Variants in ZFYVE9 observed in about 807,000 individuals in gnomAD.
ZFYVE9 encodes zinc finger FYVE-type containing 9.
ZFYVE9 carries 43 observed loss-of-function variants against 126.7 expected under a neutral mutation model. The observed-to-expected ratio is 0.34, with a 90% CI of 0.27 to 0.44. ZFYVE9 has a LOEUF of 0.44. Among genes scored for constraint, ZFYVE9 ranks in the 20% least tolerant of loss-of-function variants. ZFYVE9 has a pLI of 1.00. For missense variants in ZFYVE9, 1,476 were observed against 1,697.0 expected (o/e 0.87, Z 2.29); for synonymous variants, 521 against 597.4 (o/e 0.87, Z 1.87).
chr1:52,269,222 C>G (rs767243645), intron 7 of ZFYVE9, among the ~76,000 whole-genome samples: 3 of 152,086 alleles, frequency 2.0e-5, no homozygotes, highest in Non-Finnish European at 4.4e-5. Flanking sequence ...CTCTACCTCC[C>G]AGGTTCAAGC....
chr1:52,167,853 T>C (rs1644527723), intron 1 of ZFYVE9, among the ~76,000 whole-genome samples: 1 of 152,222 alleles, frequency 6.6e-6, no homozygotes, highest in Non-Finnish European at 1.5e-5. Flanking sequence ...AGAATCACAG[T>C]TGATCTTTGG....
At chr1:52,245,950 CAG>C (rs1176228577) in intron 4 of ZFYVE9, among the ~76,000 whole-genome samples, 1 of 152,100 alleles carries the variant, frequency 6.6e-6, no homozygotes, top group Non-Finnish European at 1.5e-5. Context: ...TTTTTGGAGA[CAG>C]GGTCTCACTC....
chr1:52,239,413 C>T lies in ZFYVE9; in HGVS notation c.1996C>T (p.Pro666Ser). Residue 666 changes from proline (P) to serine (S), a missense_variant, in exon 4 of 19, where the codon CCA becomes TCA. Pro to Ser is a moderately conservative substitution (Grantham distance 74, BLOSUM62 -1). Around this residue, in one of 2 missense-constraint regions of ZFYVE9, gnomAD observed 807 missense variants for 794.6 expected, o/e 1.02. Transcript: ENST00000287727. Reference protein sequence around the residue: ...ISTRPCLALAPDSPDNDLRAG... With the variant: ...ISTRPCLALASDSPDNDLRAG... ...CACTAGACCATGCCTTGCATTAGCT[C>T]CAGATAGCCCAGATAATGATCTCAG... 1 of 1,614,090 alleles carries T rather than the reference C, an allele frequency of 6.2e-7. No individual in the cohort carries two copies. Among genetic ancestry groups the T allele is most frequent in the Non-Finnish European group, 8.5e-7 (1 of 1,179,998 alleles).
chr1:52,164,010 G>C (rs186141539), intron 1 of ZFYVE9, among the ~76,000 whole-genome samples: 3 of 152,032 alleles, frequency 2.0e-5, no homozygotes, highest in South Asian at 4.2e-4. Flanking sequence ...GGAGCGTAGT[G>C]GCTCAATCAC....
chr1:52,230,306 G>T (rs1415995568), intron 2 of ZFYVE9, among the ~76,000 whole-genome samples: 2 of 152,076 alleles, frequency 1.3e-5, no homozygotes, highest in South Asian at 4.1e-4. Flanking sequence ...AGAGGCAAAC[G>T]GAGTGAACTT....
intron 13 of ZFYVE9, among the ~76,000 whole-genome samples, chr1:52,304,754 C>T (rs777978768): frequency 9.9e-5 from 15 of 151,660 alleles, no homozygotes; most frequent in Non-Finnish European, 2.2e-4. Context: ...ATGAGAATGA[C>T]CTCTGTGAAG....
chr1:52,243,465 A>T (rs1301743023), intron 4 of ZFYVE9, among the ~76,000 whole-genome samples: 1 of 152,222 alleles, frequency 6.6e-6, no homozygotes, highest in Non-Finnish European at 1.5e-5. Context: ...GAAGTAGAAC[A>T]GCATGGACAA....
intron 4 of ZFYVE9, among the ~76,000 whole-genome samples, chr1:52,240,552 C>T (rs1645322855): frequency 6.6e-6 from 1 of 152,116 alleles, no homozygotes; most frequent in Admixed American, 6.6e-5. Context: ...TTTGACCCCC[C>T]AGTGACTTAG....
chr1:52,330,033 A>G (rs993311650), intron 13 of ZFYVE9, among the ~76,000 whole-genome samples: 2 of 151,912 alleles, frequency 1.3e-5, no homozygotes, highest in Non-Finnish European at 2.9e-5. Flanking sequence ...ATAACATAAC[A>G]TAACATAACA....
intron 1 of ZFYVE9, among the ~76,000 whole-genome samples, chr1:52,174,435 A>G (rs1053346830): frequency 9.9e-5 from 15 of 152,222 alleles, no homozygotes; most frequent in African/African-American, 3.4e-4. Context: ...TATGTGGTCA[A>G]TTTTGGAATA....
rs147499881 is a variant in ZFYVE9, at chr1:52,171,462, G to T, written c.-143+29059G>T. On this transcript the variant is annotated intron_variant, in intron 1 of 18. Transcript: ENST00000287727. ...GTGAATAGTGCCGCAATAAACATACGTGTGCATGTGTCTTTACAGCAGCAT... is the reference window on the plus strand; with the variant it reads ...GTGAATAGTGCCGCAATAAACATACTTGTGCATGTGTCTTTACAGCAGCAT... 3.5e-3 allele frequency among the ~76,000 whole-genome samples: 533 copies of T among 152,222 alleles called. 2 individuals carry two copies. Among genetic ancestry groups the T allele is most frequent in the African/African-American group, 0.012 (510 of 41,542 alleles).
At chr1:52,176,409 G>A (rs1036431593) in intron 1 of ZFYVE9, among the ~76,000 whole-genome samples, 1 of 152,208 alleles carries the variant, frequency 6.6e-6, no homozygotes, top group Non-Finnish European at 1.5e-5. Context: ...TGCCCCTACT[G>A]GGGGGTGTCT....
At chr1:52,199,556 A>G (rs773062302) in intron 1 of ZFYVE9, among the ~76,000 whole-genome samples, 14 of 152,200 alleles carry the variant, frequency 9.2e-5, no homozygotes, top group African/African-American at 3.4e-4. Context: ...GATGTACCAC[A>G]GCTTTTATTT....
chr1:52,258,358 G>T (rs1203636244), intron 4 of ZFYVE9, among the ~76,000 whole-genome samples: 1 of 138,130 alleles, frequency 7.2e-6, no homozygotes, highest in African/African-American at 2.7e-5. Context: ...AACTGGGGAA[G>T]GTACTTAGAT....
At chr1:52,233,660 C>T (rs1029457066) in intron 3 of ZFYVE9, among the ~76,000 whole-genome samples, 5 of 152,270 alleles carry the variant, frequency 3.3e-5, no homozygotes, top group East Asian at 1.9e-4. Context: ...AAAAATAGCT[C>T]GTTCTATATT....
chr1:52,321,301 A>G (rs1013069594), intron 13 of ZFYVE9, among the ~76,000 whole-genome samples: 2 of 152,172 alleles, frequency 1.3e-5, no homozygotes, highest in East Asian at 3.8e-4. Flanking sequence ...TGTTTGAGGA[A>G]TGTTTGATTC....
chr1:52,198,110 G>GTTTTTTTTTT (rs1329262004), intron 1 of ZFYVE9, among the ~76,000 whole-genome samples: 4 of 40,036 alleles, frequency 1.0e-4, no homozygotes, highest in African/African-American at 2.3e-4. Flanking sequence ...ATATTGTAGT[G>GTTTTTTTTTT]TTTTTTTTTG....
intron 1 of ZFYVE9, among the ~76,000 whole-genome samples, chr1:52,198,117 TTTG>T (rs1163308576): frequency 1.3e-4 from 5 of 39,212 alleles, no homozygotes; most frequent in Admixed American, 4.1e-4. Context: ...AGTGTTTTTT[TTTG>T]TTTGTTTTTT....
intron 12 of ZFYVE9, among the ~76,000 whole-genome samples, chr1:52,299,026 T>C (rs1646007003): frequency 6.6e-6 from 1 of 151,974 alleles, no homozygotes; most frequent in African/African-American, 2.4e-5. Context: ...GCCAGGATGG[T>C]CTCGATCTCC....
Sources: allele counts gnomAD v4.1 joint callset (sites outside exome capture counted in the v4.1 genomes callset), GRCh38; gene constraint gnomAD v4.1.1; regional missense constraint gnomAD v4.1.1; transcripts MANE v1.5; gene names NCBI Gene and HGNC (gene_info 2026-07-23, HGNC 2026-07-21).